KIRREL3: variants seen among roughly 807,000 people sequenced by gnomAD.
The protein encoded by KIRREL3 is kirre like nephrin family adhesion molecule 3, also known as kin of IRRE-like protein 3.
KIRREL3 carries 36 observed loss-of-function variants against 89.7 expected under a neutral mutation model. The observed-to-expected ratio is 0.40, with a 90% CI of 0.31 to 0.53. The LOEUF is 0.53. Ranked by LOEUF, KIRREL3 falls within the 20% of genes least tolerant of loss-of-function variation. KIRREL3 has a pLI of 0.49. For synonymous variants in KIRREL3, 445 were observed against 441.4 expected, an observed-to-expected ratio of 1.01 and a Z score of -0.10; for missense variants, 864 against 1,056.6, an observed-to-expected ratio of 0.82 and a Z score of 2.53.
At chr11:126,887,375 G>A (rs4245072) in intron 1 of KIRREL3, among the ~76,000 whole-genome samples, 93,725 of 151,976 alleles carry the variant, frequency 0.62, 30,428 homozygotes, top group African/African-American at 0.82. Flanking sequence ...AGGCTAAGAA[G>A]CAAGAAGCAT....
chr11:126,998,954 T>TGC (rs1350314861), intron 1 of KIRREL3, among the ~76,000 whole-genome samples: 4 of 134,446 alleles, frequency 3.0e-5, no homozygotes, highest in South Asian at 4.7e-4. Context: ...TGTGTGTGTG[T>TGC]GTGCTCATAA....
In KIRREL3 at chr11:126,884,030, T is replaced by A. The variant is rs2134728171; in HGVS notation, c.55+116425A>T. Among the ~76,000 whole-genome samples, 2 of 152,258 alleles carry A rather than the reference T, an allele frequency of 1.3e-5. 1 individual carries two copies. Among genetic ancestry groups the A allele is most frequent in the South Asian group, 4.2e-4 (2 of 4,810 alleles). ...GGAGATTGACAAGTGATTGCAATGA[T>A]CCTTATGATGCTTTTCAATCTTAAC... On this transcript the variant is annotated intron_variant, in intron 1 of 16. Coordinates refer to ENST00000525144, the MANE Select transcript of KIRREL3 (RefSeq NM_032531.4).
At chr11:126,884,411 A>G (rs1003296604) in intron 1 of KIRREL3, among the ~76,000 whole-genome samples, 1 of 152,232 alleles carries the variant, frequency 6.6e-6, no homozygotes, top group African/African-American at 2.4e-5. Flanking sequence ...GTATGTCCCA[A>G]TACATGTGCA....
At chr11:126,894,862 A>C (rs1055093429) in intron 1 of KIRREL3, among the ~76,000 whole-genome samples, 1 of 152,168 alleles carries the variant, frequency 6.6e-6, no homozygotes, top group African/African-American at 2.4e-5. Flanking sequence ...AAAGGAAGTG[A>C]TACTTCTGCT....
chr11:126,984,377 G>A (rs1028357688), intron 1 of KIRREL3, among the ~76,000 whole-genome samples: 2 of 152,172 alleles, frequency 1.3e-5, no homozygotes, highest in Non-Finnish European at 1.5e-5. Flanking sequence ...CATGCTTGGA[G>A]GATGAGGAGT....
Position 126,954,763 on chromosome 11 carries a change from G to A in KIRREL3, c.55+45692C>T. 6.6e-6 allele frequency among the ~76,000 whole-genome samples: 1 copy of A among 152,164 alleles called. No homozygotes were observed. Among genetic ancestry groups the A allele is most frequent in the South Asian group, 2.1e-4 (1 of 4,830 alleles). ...GTGGTAGGCTTCATCCCTGTAGATG[G>A]CCTGGCTTACCCTTGAACAACTTTA... is the stretch of plus-strand genomic sequence containing the variant. On this transcript the variant is annotated intron_variant, in intron 1 of 16. Coordinates refer to ENST00000525144, the MANE Select transcript of KIRREL3 (RefSeq NM_032531.4). This position sits in a 1 kb window ranked among gnomAD's most constrained non-coding sequence, Gnocchi z 4.1.
Position 126,980,928 on chromosome 11 carries a change from C to T in KIRREL3, c.55+19527G>A, listed in dbSNP as rs139221656. 7.2e-5 allele frequency among the ~76,000 whole-genome samples: 11 copies of T among 152,192 alleles called. No individual in the cohort carries two copies. The East Asian group carries it at 9.7e-4, about 13-fold the overall frequency. On this transcript the variant is annotated intron_variant, in intron 1 of 16. Transcript: ENST00000525144. ...CCAGAATGGGTGCTAGGAGTGTGAA[C>T]GTGGAAAGAACCAAGATTCAGTTAG...
At position 126,713,335 on chromosome 11, in the gene KIRREL3, A is replaced by G. The variant is rs576346075; in HGVS notation, c.56-150423T>C. 1.5e-4 allele frequency among the ~76,000 whole-genome samples: 23 copies of G among 152,384 alleles called. 1 individual carries two copies. The South Asian group carries it at 4.6e-3, about 30-fold the overall frequency. On this transcript the variant is annotated intron_variant, in intron 1 of 16. Transcript: ENST00000525144. ...ACAATAGGCAGGGTAGCATCACTGA[A>G]GCAAAGCAGGTGGGCCAAGGTGGGG... is the stretch of plus-strand genomic sequence containing the variant.
rs1007733120 is a variant in KIRREL3, at chr11:126,953,533, A to T, written c.55+46922T>A. On this transcript the variant is annotated intron_variant, in intron 1 of 16. Coordinates refer to ENST00000525144, the MANE Select transcript of KIRREL3 (RefSeq NM_032531.4). This position sits in a 1 kb window ranked among gnomAD's most constrained non-coding sequence, Gnocchi z 5.2. ...TCATCTTTTCATAATAAACGTGCTG[A>T]TAGTTCCAAAGAGAAGAGCCTGCAA... Among the ~76,000 whole-genome samples the T allele has an allele frequency of 2.6e-5, 4 of 152,152 alleles. No homozygotes were observed. Among genetic ancestry groups the T allele is most frequent in the Non-Finnish European group, 5.9e-5 (4 of 68,022 alleles).
intron 1 of KIRREL3, among the ~76,000 whole-genome samples, chr11:126,839,765 G>A (rs1401087809): frequency 6.6e-6 from 1 of 152,164 alleles, no homozygotes; most frequent in Admixed American, 6.5e-5. Flanking sequence ...CTTCGGTAAT[G>A]TTTTATGTAT....
Position 126,976,836 on chromosome 11 carries a change from G to T in KIRREL3, c.55+23619C>A, listed in dbSNP as rs1358737411. Among the ~76,000 whole-genome samples, 1 of 152,042 alleles carries T rather than the reference G, an allele frequency of 6.6e-6. No homozygotes were observed. The highest frequency in any genetic ancestry group is 2.4e-5 in the African/African-American group (1 of 41,388). On this transcript the variant is annotated intron_variant, in intron 1 of 16. Transcript: ENST00000525144. This position sits in a 1 kb window ranked among gnomAD's most constrained non-coding sequence, Gnocchi z 4.2. Reference sequence around the variant, plus strand: ...TACTGGCATAAGGTTATTACTTCACGGTGGAGCTAGGCACTTAATCCTTGA... The same window carrying T: ...TACTGGCATAAGGTTATTACTTCACTGTGGAGCTAGGCACTTAATCCTTGA...
intron 1 of KIRREL3, among the ~76,000 whole-genome samples, chr11:126,775,827 C>CT (rs1950154550): frequency 6.6e-6 from 1 of 152,070 alleles, no homozygotes; most frequent in Non-Finnish European, 1.5e-5. Flanking sequence ...GGTTTGAATT[C>CT]TTATCTTCTC....
intron 2 of KIRREL3, among the ~76,000 whole-genome samples, chr11:126,538,145 G>A (rs1938063510): frequency 6.6e-6 from 1 of 152,244 alleles, no homozygotes; most frequent in Non-Finnish European, 1.5e-5. Flanking sequence ...CAGTGGGTGA[G>A]CCCTCCCATT....
chr11:126,886,224 G>T (rs1945690740), intron 1 of KIRREL3, among the ~76,000 whole-genome samples: 1 of 152,182 alleles, frequency 6.6e-6, no homozygotes, highest in Admixed American at 6.5e-5. Context: ...TTGGGAGATA[G>T]CCCTGAAGTG....
intron 1 of KIRREL3, among the ~76,000 whole-genome samples, chr11:126,925,300 G>C (rs1458139518): frequency 1.3e-5 from 2 of 152,204 alleles, no homozygotes; most frequent in East Asian, 3.9e-4. Context: ...GCAGGCACAC[G>C]CATGAGGCAG....
rs1949573263 is a variant in KIRREL3, at chr11:126,976,234, T to C, written c.55+24221A>G. On this transcript the variant is annotated intron_variant, in intron 1 of 16. Transcript: ENST00000525144. This position sits in a 1 kb window ranked among gnomAD's most constrained non-coding sequence, Gnocchi z 4.2. ...TATACCTGACAGAGGAAAATTTGTT[T>C]ATCAAATTTGTGAATAACACAACAT... Among the ~76,000 whole-genome samples the C allele has an allele frequency of 6.6e-6, 1 of 152,146 alleles. No homozygotes were observed.
At chr11:126,631,621 A>G (rs1182509030) in intron 1 of KIRREL3, among the ~76,000 whole-genome samples, 11 of 152,162 alleles carry the variant, frequency 7.2e-5, no homozygotes, top group Non-Finnish European at 1.6e-4. Flanking sequence ...CCCTGAGGTG[A>G]TTTGCATCTT....
intron 1 of KIRREL3, among the ~76,000 whole-genome samples, chr11:126,789,385 C>T (rs757173561): frequency 6.6e-6 from 1 of 152,124 alleles, no homozygotes; most frequent in Non-Finnish European, 1.5e-5. Flanking sequence ...AGAAAGTGAG[C>T]AAACCCATAT....
chr11:126,881,858 T>C (rs1447067412), intron 1 of KIRREL3, among the ~76,000 whole-genome samples: 1 of 152,156 alleles, frequency 6.6e-6, no homozygotes, highest in Non-Finnish European at 1.5e-5. Flanking sequence ...AATGCAACTT[T>C]AAAAAACCGA....
Sources: gnomAD v4.1 joint callset for allele counts (sites outside exome capture counted in the v4.1 genomes callset) on GRCh38, gnomAD v4.1.1 for gene constraint, Gnocchi (gnomAD v3.1) non-coding constraint, MANE v1.5 for transcripts, NCBI Gene and HGNC (gene_info 2026-07-23, HGNC 2026-07-21) for gene names.